Variants in GLIS3 observed in about 807,000 individuals in gnomAD.
GLIS3 encodes zinc finger protein GLIS3.
GLIS3 carries 53 observed loss-of-function variants against 78.6 expected under a neutral mutation model. That is an observed-to-expected ratio of 0.67 (90% confidence interval 0.54 to 0.85). GLIS3 has a LOEUF of 0.85. Ranked by LOEUF, GLIS3 falls within the 40% of genes least tolerant of loss-of-function variation. The pLI, the probability that GLIS3 is intolerant of heterozygous loss-of-function variation, is 0.00. For missense variants in GLIS3, 1,703 were observed against 1,231.1 expected, an observed-to-expected ratio of 1.38 and a Z score of -5.74; for synonymous variants, 684 against 509.9, an observed-to-expected ratio of 1.34 and a Z score of -4.60.
intron 2 of GLIS3, among the ~76,000 whole-genome samples, chr9:4,141,545 G>C (rs369880447): frequency 1.3e-5 from 2 of 152,194 alleles, no homozygotes; most frequent in South Asian, 4.2e-4. Context: ...CACCTTGGTA[G>C]TGTATCAGGC....
chr9:4,311,266 G>A (rs190008133), intron 2 of GLIS3, among the ~76,000 whole-genome samples: 15 of 152,010 alleles, frequency 9.9e-5, no homozygotes, highest in East Asian at 3.9e-4. Flanking sequence ...AAAATTATCC[G>A]GGCGTGGTGG....
At chr9:4,416,069 G>T in the GLIS3 span, among the ~76,000 whole-genome samples, 41 of 150,218 alleles carry the variant, frequency 2.7e-4, no homozygotes, top group Admixed American at 2.7e-3. Context: ...CAGAGCACAG[G>T]ATCTAATGAC....
chr9:3,983,343 G>T (rs1467745003), intron 4 of GLIS3, among the ~76,000 whole-genome samples: 1 of 152,094 alleles, frequency 6.6e-6, no homozygotes, highest in Non-Finnish European at 1.5e-5. Context: ...TCTGTAAATT[G>T]CCCAGTCTCT....
chr9:4,246,199 A>C (rs1421120344), intron 2 of GLIS3, among the ~76,000 whole-genome samples: 1 of 152,242 alleles, frequency 6.6e-6, no homozygotes, highest in Non-Finnish European at 1.5e-5. Context: ...TCTCTACCAC[A>C]AATACAAAAA....
chr9:3,861,038 T>G (rs894553581), intron 8 of GLIS3, among the ~76,000 whole-genome samples: 3 of 152,106 alleles, frequency 2.0e-5, no homozygotes, highest in African/African-American at 7.2e-5. Flanking sequence ...AATTGAGAAG[T>G]CAGGAATATC....
At chr9:4,230,299 C>T (rs746456456) in intron 2 of GLIS3, among the ~76,000 whole-genome samples, 16 of 152,236 alleles carry the variant, frequency 1.1e-4, no homozygotes, top group East Asian at 1.9e-4. Context: ...AATGAAATAC[C>T]GAACTGCAGG....
At chr9:4,107,623 TG>T (rs1369176584) in intron 4 of GLIS3, among the ~76,000 whole-genome samples, 2 of 152,220 alleles carry the variant, frequency 1.3e-5, no homozygotes, top group East Asian at 3.8e-4. Flanking sequence ...TCTTATCATT[TG>T]CCTCTTTAAA....
chr9:4,390,575 A>C, the GLIS3 span, among the ~76,000 whole-genome samples: 1 of 152,182 alleles, frequency 6.6e-6, no homozygotes, highest in Non-Finnish European at 1.5e-5. Flanking sequence ...TTATACGCTT[A>C]TACCCATGGG....
chr9:4,207,881 A>G (rs926030751), intron 2 of GLIS3, among the ~76,000 whole-genome samples: 2 of 152,220 alleles, frequency 1.3e-5, no homozygotes, highest in South Asian at 2.1e-4. Flanking sequence ...CACTGATTCT[A>G]TAATTCTAAC....
the GLIS3 span, among the ~76,000 whole-genome samples, chr9:4,428,037 G>A: frequency 2.6e-5 from 4 of 151,664 alleles, no homozygotes; most frequent in Non-Finnish European, 4.4e-5. Flanking sequence ...CAGAAAAAAA[G>A]AAATTTCCAG....
chr9:4,388,427 C>A, the GLIS3 span, among the ~76,000 whole-genome samples: 7 of 152,122 alleles, frequency 4.6e-5, no homozygotes, highest in East Asian at 1.2e-3. Flanking sequence ...GCCTGTAATC[C>A]CAGCACTTTG....
chr9:4,016,122 T>C (rs1822414901), intron 4 of GLIS3, among the ~76,000 whole-genome samples: 1 of 152,126 alleles, frequency 6.6e-6, no homozygotes, highest in Admixed American at 6.6e-5. Flanking sequence ...TAATCCAAAA[T>C]GGGTCATGTT....
chr9:3,908,710 T>TTC (rs1240632358), intron 6 of GLIS3, among the ~76,000 whole-genome samples: 3 of 132,542 alleles, frequency 2.3e-5, no homozygotes, highest in African/African-American at 8.8e-5. Context: ...GTATTTGTTT[T>TTC]TTTTTTTTTT....
At chr9:4,007,331 C>G (rs1192059371) in intron 4 of GLIS3, among the ~76,000 whole-genome samples, 1 of 152,090 alleles carries the variant, frequency 6.6e-6, no homozygotes, top group Non-Finnish European at 1.5e-5. Context: ...TTCTCTGCCC[C>G]CACACCTCAG....
At chr9:4,204,524 C>A (rs1819676774) in intron 2 of GLIS3, among the ~76,000 whole-genome samples, 1 of 152,022 alleles carries the variant, frequency 6.6e-6, no homozygotes, top group Non-Finnish European at 1.5e-5. Flanking sequence ...GAGGAGCCCA[C>A]CAAGGAACTA....
At chr9:3,969,152 A>G (rs1818184395) in intron 4 of GLIS3, among the ~76,000 whole-genome samples, 1 of 152,208 alleles carries the variant, frequency 6.6e-6, no homozygotes, top group African/African-American at 2.4e-5. Context: ...GATGAAATGC[A>G]TATGACCTGG....
At chr9:3,842,900 C>T (rs1818809174) in intron 9 of GLIS3, among the ~76,000 whole-genome samples, 1 of 152,134 alleles carries the variant, frequency 6.6e-6, no homozygotes, top group South Asian at 2.1e-4. Context: ...ATCTCTTCCC[C>T]TTGGGCAGGC....
chr9:3,926,843 T>C (rs1825291816), intron 6 of GLIS3, among the ~76,000 whole-genome samples: 1 of 152,082 alleles, frequency 6.6e-6, no homozygotes, highest in Non-Finnish European at 1.5e-5. Context: ...CAGGCTGGTC[T>C]TGAGCTCCTG....
At chr9:4,324,345 T>G (rs1403220606) in intron 2 of GLIS3, among the ~76,000 whole-genome samples, 1 of 152,208 alleles carries the variant, frequency 6.6e-6, no homozygotes, top group Non-Finnish European at 1.5e-5. Flanking sequence ...TTATTTTCAA[T>G]GTCATCTTAG....
Sources: gnomAD v4.1 joint callset for allele counts (sites outside exome capture counted in the v4.1 genomes callset) on GRCh38, gnomAD v4.1.1 for gene constraint, MANE v1.5 for transcripts, NCBI Gene and HGNC (gene_info 2026-07-23, HGNC 2026-07-21) for gene names.